Variants in FAM118A observed in about 807,000 individuals in gnomAD.
FAM118A encodes protein FAM118A.
In FAM118A, 25 loss-of-function variants were observed where a neutral mutation model predicts 38.2. That is an observed-to-expected ratio of 0.65 (90% CI 0.48 to 0.91). FAM118A has a LOEUF of 0.91. Among genes scored for constraint, FAM118A ranks in the 40% least tolerant of loss-of-function variants. The probability of loss-of-function intolerance (pLI) is 0.00; values close to 1 mark genes in which losing one functional copy is unlikely to be tolerated. For missense variants in FAM118A, 425 were observed against 463.3 expected, an observed-to-expected ratio of 0.92 and a Z score of 0.76; for synonymous variants, 178 against 184.1, an observed-to-expected ratio of 0.97 and a Z score of 0.27.
chr22:45,323,616 C>G (rs2142552), intron 3 of FAM118A, among the ~76,000 whole-genome samples, 189 bp downstream of exon 3: 134,499 of 152,254 alleles, frequency 0.88, 59,598 homozygotes, highest in African/African-American at 0.95. Flanking sequence ...GCCAGCCACA[C>G]TGCAGCGTGG....
intron 1 of FAM118A, among the ~76,000 whole-genome samples, chr22:45,312,135 G>C (rs980935317): frequency 2.6e-5 from 4 of 152,202 alleles, no homozygotes; most frequent in Non-Finnish European, 5.9e-5. Flanking sequence ...GATGTCTTCT[G>C]TGACCAAATG....
upstream of FAM118A, chr22:45,309,347 G>C (rs2146562328): frequency 6.6e-6 from 1 of 152,322 alleles, no homozygotes; most frequent in Middle Eastern, 3.4e-3. Flanking sequence ...GACGGACAAG[G>C]TACCGGCTCT....
intron 2 of FAM118A, 134 bp from the exon 3 acceptor site, chr22:45,323,041 C>CTCTGTGTGTGTGTGTGTG (rs34063912): frequency 9.1e-6 from 6 of 659,688 alleles, no homozygotes; most frequent in African/African-American, 7.6e-5. Flanking sequence ...TCAGAGGGGA[C>CTCTGTGTGTGTGTGTGTG]TGTGTGTGTG....
At chr22:45,326,887 A>G (rs1350471996) in intron 3 of FAM118A, among the ~76,000 whole-genome samples, 1 of 142,418 alleles carries the variant, frequency 7.0e-6, no homozygotes, top group Non-Finnish European at 1.5e-5. Flanking sequence ...GTGTGCACCT[A>G]TAGTCCCAGC....
Position 45,323,256 on chromosome 22 carries a change from C to T in FAM118A, c.129C>T (p.Ala43=). The stretch of plus-strand genomic sequence containing the variant: ...GGACTGGCGTCAGCGCAGCAGTGGC[C>T]CCCGGAATCCCTGCCCTTTGCTCGT... ...VIGTGVSAAV[A]PGIPALCSWR... Residue 43 remains alanine, a synonymous_variant, in exon 3 of 9, where the codon GCC becomes GCT. Coordinates refer to ENST00000441876, the MANE Select transcript of FAM118A (RefSeq NM_017911.4). The T allele has an allele frequency of 3.1e-6, 5 of 1,614,174 alleles. No individual in the cohort carries two copies. The highest frequency in any genetic ancestry group is 1.1e-5 in the South Asian group (1 of 91,086).
chr22:45,312,820 T>C (rs975608388), intron 1 of FAM118A, among the ~76,000 whole-genome samples: 5 of 151,932 alleles, frequency 3.3e-5, no homozygotes, highest in African/African-American at 1.2e-4. Context: ...CTCCCCGGGG[T>C]GTACCATTCT....
intron 1 of FAM118A, among the ~76,000 whole-genome samples, chr22:45,315,266 G>A (rs2146591923): frequency 6.6e-6 from 1 of 152,182 alleles, no homozygotes; most frequent in East Asian, 1.9e-4. Flanking sequence ...ACAAAATAAG[G>A]CATTTTTCCC....
intron 1 of FAM118A, among the ~76,000 whole-genome samples, chr22:45,321,219 T>C (rs1463223317): frequency 6.6e-6 from 1 of 151,924 alleles, no homozygotes; most frequent in Non-Finnish European, 1.5e-5. Flanking sequence ...TGGGTTCAAG[T>C]GATTCTCCTG....
At chr22:45,333,580 A>G (rs2085875222) in intron 6 of FAM118A, among the ~76,000 whole-genome samples, 1 of 151,238 alleles carries the variant, frequency 6.6e-6, no homozygotes, top group South Asian at 2.1e-4. Context: ...AGGCTGAGGC[A>G]GGAGAATGGC....
rs2086451385 is a variant in FAM118A at position 45,341,495 on chromosome 22, TA to T, written c.*1094del. 6.6e-6 allele frequency: 1 copy of T among 152,200 alleles called. No individual in the cohort carries two copies. 9.4% of individuals were successfully genotyped at this position (152,200 alleles called of 1,614,324 possible). On this transcript the variant is annotated 3_prime_UTR_variant, in exon 9 of 9. Transcript: ENST00000441876. ...ATCCAGTCTTTCTGTTATTGTCTCTTAAAATTCTCTTCCATGGCCCACATTA... is the reference window on the plus strand; with the variant it reads ...ATCCAGTCTTTCTGTTATTGTCTCTTAAATTCTCTTCCATGGCCCACATTA...
chr22:45,318,453 G>A (rs1475459559), intron 1 of FAM118A: 1 of 152,220 alleles, frequency 6.6e-6, no homozygotes, highest in Non-Finnish European at 1.5e-5. Flanking sequence ...TGGCTTAGAC[G>A]GTGTTTGGAT....
chr22:45,327,739 T>C (rs1222600478), intron 3 of FAM118A, 103 bp from the exon 4 acceptor site: 4 of 1,215,060 alleles, frequency 3.3e-6, no homozygotes. Flanking sequence ...ATTTTCTTTG[T>C]TTTCAGCCGC....
rs1206245482 is a variant in FAM118A at position 45,340,456 on chromosome 22, G to A, written c.*51G>A. On this transcript the variant is annotated 3_prime_UTR_variant, in exon 9 of 9. Transcript: ENST00000441876. ...TGAAAACTAGCCTTCTGTAACCACA[G>A]TGCCCAAACGAAGAGGAATGTATGG... 6.2e-7 allele frequency: 1 copy of A among 1,601,302 alleles called. No individual in the cohort carries two copies. Among genetic ancestry groups the A allele is most frequent in the East Asian group, 2.2e-5 (1 of 44,838 alleles).
intron 8 of FAM118A, among the ~76,000 whole-genome samples, chr22:45,339,259 G>GA (rs1416997843): frequency 1.3e-5 from 2 of 152,278 alleles, no homozygotes; most frequent in East Asian, 3.9e-4. Flanking sequence ...AACTGGGTGT[G>GA]GTGGCGGGCG....
intron 5 of FAM118A, among the ~76,000 whole-genome samples, chr22:45,331,876 C>G (rs1002777303): frequency 7.2e-6 from 1 of 138,042 alleles, no homozygotes; most frequent in African/African-American, 3.2e-5. Context: ...CACCCGACCC[C>G]GTCAGTCATG....
At chr22:45,331,807 C>A (rs1569415) in intron 5 of FAM118A, among the ~76,000 whole-genome samples, 64,737 of 151,818 alleles carry the variant, frequency 0.43, 18,141 homozygotes, top group African/African-American at 0.79. Context: ...TGGTTAGCTG[C>A]ATTGGCGATT....
At chr22:45,331,646 G>A (rs1003223508) in intron 5 of FAM118A, among the ~76,000 whole-genome samples, 1 of 152,178 alleles carries the variant, frequency 6.6e-6, no homozygotes, top group African/African-American at 2.4e-5. Flanking sequence ...ACAGCTAGGC[G>A]CCCTGTTCCT....
At chr22:45,331,498 C>T (rs944966655) in intron 5 of FAM118A, among the ~76,000 whole-genome samples, 2 of 152,066 alleles carry the variant, frequency 1.3e-5, no homozygotes, top group Non-Finnish European at 2.9e-5. Context: ...CCTTAGTCTC[C>T]CGAGTAGCTG....
intron 8 of FAM118A, among the ~76,000 whole-genome samples, chr22:45,338,582 G>A (rs569942220): frequency 6.6e-4 from 101 of 152,314 alleles, no homozygotes; most frequent in African/African-American, 2.3e-3. Flanking sequence ...GTAAGTCTGC[G>A]AGAACTCTGG....
Sources: gnomAD v4.1 joint callset for allele counts (sites outside exome capture counted in the v4.1 genomes callset) on GRCh38, gnomAD v4.1.1 for gene constraint, MANE v1.5 for transcripts, NCBI Gene and HGNC (gene_info 2026-07-23, HGNC 2026-07-21) for gene names.